Variants in KCNIP4 observed in about 807,000 individuals in gnomAD.
KCNIP4 encodes the protein potassium voltage-gated channel interacting protein 4.
KCNIP4 carries 12 observed loss-of-function variants against 34.0 expected under a neutral mutation model. The observed-to-expected ratio is 0.35, with a 90% confidence interval of 0.23 to 0.57. The LOEUF (loss-of-function observed/expected upper bound fraction) is 0.57, where lower values mean the gene tolerates loss of function less well. Among genes scored for constraint, KCNIP4 ranks in the 20% least tolerant of loss-of-function variants. The probability of loss-of-function intolerance (pLI) is 0.83; values close to 1 mark genes in which losing one functional copy is unlikely to be tolerated. For missense variants in KCNIP4, 238 were observed against 311.7 expected, an observed-to-expected ratio of 0.76 and a Z score of 1.78; for synonymous variants, 124 against 102.2, an observed-to-expected ratio of 1.21 and a Z score of -1.29.
At chr4:21,119,275 A>G (rs1375752691) in intron 1 of KCNIP4, among the ~76,000 whole-genome samples, 3 of 152,032 alleles carry the variant, frequency 2.0e-5, no homozygotes, top group African/African-American at 7.2e-5. Flanking sequence ...CTCCAGAGAC[A>G]TTGGTGCAAA....
intron 1 of KCNIP4, among the ~76,000 whole-genome samples, chr4:21,626,553 T>A (rs1745338182): frequency 6.6e-6 from 1 of 151,912 alleles, no homozygotes; most frequent in Non-Finnish European, 1.5e-5. Flanking sequence ...ATTTCTGTTG[T>A]TTAAGCTACT....
At chr4:21,266,140 C>T (rs1290509339) in intron 1 of KCNIP4, among the ~76,000 whole-genome samples, 1 of 152,126 alleles carries the variant, frequency 6.6e-6, no homozygotes, top group Non-Finnish European at 1.5e-5. Context: ...CAAGTCTTTC[C>T]ACATGTACAG....
chr4:20,886,634 C>T (rs1273719485), intron 1 of KCNIP4, among the ~76,000 whole-genome samples: 1 of 152,182 alleles, frequency 6.6e-6, no homozygotes, highest in East Asian at 1.9e-4. Context: ...GAAGACTTCA[C>T]TGAGCACCTC....
chr4:21,423,210 C>T (rs1335543704), intron 1 of KCNIP4, among the ~76,000 whole-genome samples: 2 of 152,102 alleles, frequency 1.3e-5, no homozygotes, highest in African/African-American at 4.8e-5. Flanking sequence ...GCAACAAAAC[C>T]CTTTTACAAT....
chr4:21,470,794 A>G (rs1205573518), intron 1 of KCNIP4, among the ~76,000 whole-genome samples: 1 of 151,560 alleles, frequency 6.6e-6, no homozygotes, highest in Non-Finnish European at 1.5e-5. Flanking sequence ...CCAAACGCCC[A>G]ATTCAAGGGC....
intron 1 of KCNIP4, among the ~76,000 whole-genome samples, chr4:21,296,893 T>A (rs1578039020): frequency 6.6e-6 from 1 of 151,498 alleles, no homozygotes; most frequent in African/African-American, 2.4e-5. Flanking sequence ...AAGCAAGCAG[T>A]TAGGAAGGTA....
chr4:20,911,813 C>G (rs1438104876), intron 1 of KCNIP4, among the ~76,000 whole-genome samples: 1 of 152,172 alleles, frequency 6.6e-6, no homozygotes, highest in East Asian at 1.9e-4. Context: ...ACAAGTCCGT[C>G]AAACAGATTT....
At chr4:21,908,092 A>T (rs566766470) in intron 1 of KCNIP4, among the ~76,000 whole-genome samples, 18 of 152,128 alleles carry the variant, frequency 1.2e-4, no homozygotes, top group Non-Finnish European at 2.5e-4. Flanking sequence ...AAATAATAAA[A>T]ATAAATAGAA....
chr4:21,351,512 C>A (rs1227295404), intron 1 of KCNIP4, among the ~76,000 whole-genome samples: 2 of 152,138 alleles, frequency 1.3e-5, no homozygotes, highest in Non-Finnish European at 2.9e-5. Flanking sequence ...ACTTATTTTT[C>A]TTTATAAATT....
intron 3 of KCNIP4, among the ~76,000 whole-genome samples, chr4:20,814,255 T>C (rs1258581742): frequency 6.6e-6 from 1 of 152,202 alleles, no homozygotes; most frequent in East Asian, 1.9e-4. Context: ...TGAGAACCAC[T>C]GATATTTAGG....
At chr4:20,982,834 C>T (rs1186965886) in intron 1 of KCNIP4, among the ~76,000 whole-genome samples, 2 of 152,064 alleles carry the variant, frequency 1.3e-5, no homozygotes, top group East Asian at 1.9e-4. Context: ...TCCATCTCCC[C>T]ACATTAAACA....
intron 1 of KCNIP4, among the ~76,000 whole-genome samples, chr4:21,560,416 T>C (rs1377628034): frequency 1.3e-5 from 2 of 152,104 alleles, no homozygotes; most frequent in Non-Finnish European, 2.9e-5. Flanking sequence ...CTATTATAGA[T>C]CAAAGTTCAG....
intron 1 of KCNIP4, among the ~76,000 whole-genome samples, chr4:21,306,814 G>T (rs1359593831): frequency 6.6e-6 from 1 of 151,512 alleles, no homozygotes; most frequent in Non-Finnish European, 1.5e-5. Context: ...ACATATGTAG[G>T]CAGGAACTTT....
intron 1 of KCNIP4, among the ~76,000 whole-genome samples, chr4:21,110,739 GCT>G (rs1223948556): frequency 6.6e-6 from 1 of 152,132 alleles, no homozygotes; most frequent in Non-Finnish European, 1.5e-5. Flanking sequence ...AAATGTGAGA[GCT>G]CTCTCTCTCC....
chr4:20,972,504 A>G (rs1381645879), intron 1 of KCNIP4, among the ~76,000 whole-genome samples: 1 of 152,142 alleles, frequency 6.6e-6, no homozygotes, highest in African/African-American at 2.4e-5. Context: ...CTGAGAACTA[A>G]TATTTTGAAA....
chr4:20,974,714 G>A (rs1283697589), intron 1 of KCNIP4, among the ~76,000 whole-genome samples: 1 of 152,070 alleles, frequency 6.6e-6, no homozygotes, highest in Non-Finnish European at 1.5e-5. Flanking sequence ...TAGACGTGAG[G>A]CCCAGGCAAT....
chr4:21,178,496 T>C (rs1754602236), intron 1 of KCNIP4, among the ~76,000 whole-genome samples: 1 of 150,868 alleles, frequency 6.6e-6, no homozygotes, highest in Non-Finnish European at 1.5e-5. Context: ...TATTTCCAGG[T>C]ATAGTAACCA....
intron 1 of KCNIP4, among the ~76,000 whole-genome samples, chr4:21,916,938 T>C (rs1250590558): frequency 6.6e-6 from 1 of 152,146 alleles, no homozygotes; most frequent in Non-Finnish European, 1.5e-5. Context: ...TTCCATCCTC[T>C]CCTCCTGCAC....
chr4:20,821,182 T>G (rs1287417116), intron 3 of KCNIP4, among the ~76,000 whole-genome samples: 1 of 152,230 alleles, frequency 6.6e-6, no homozygotes, highest in Non-Finnish European at 1.5e-5. Context: ...CCACTCAGTA[T>G]GTCAAGAAGG....
Sources: allele counts gnomAD v4.1 joint callset (sites outside exome capture counted in the v4.1 genomes callset), GRCh38; gene constraint gnomAD v4.1.1; transcripts MANE v1.5; gene names NCBI Gene and HGNC (gene_info 2026-07-23, HGNC 2026-07-21).